Variants in SHANK2 observed in about 807,000 individuals in gnomAD.
SHANK2 encodes the protein SH3 and multiple ankyrin repeat domains 2.
A neutral mutation model predicts 133.7 loss-of-function variants in SHANK2; 43 were observed. The ratio of observed to expected loss-of-function variants is 0.32; its 90% CI spans 0.25 to 0.41. The LOEUF is 0.41. Ranked by LOEUF, SHANK2 falls within the 10% of genes least tolerant of loss-of-function variation. The pLI, the probability that SHANK2 is intolerant of heterozygous loss-of-function variation, is 1.00. For missense variants in SHANK2, 1,994 were observed against 2,235.8 expected, an observed-to-expected ratio of 0.89 and a Z score of 2.18; for synonymous variants, 1,017 against 952.8, an observed-to-expected ratio of 1.07 and a Z score of -1.24.
chr11:71,218,723 G>A (rs1591031464), intron 2 of SHANK2, among the ~76,000 whole-genome samples: 1 of 152,258 alleles, frequency 6.6e-6, no homozygotes, highest in South Asian at 2.1e-4. Flanking sequence ...CGATGGGAAA[G>A]ACTCACGTGA....
chr11:71,240,170 G>A (rs782408463), intron 1 of SHANK2, among the ~76,000 whole-genome samples: 1 of 152,128 alleles, frequency 6.6e-6, no homozygotes, highest in African/African-American at 2.4e-5. Flanking sequence ...AGGGATTCTC[G>A]GATCCAGCAT....
Position 70,533,688 on chromosome 11 carries a change from C to T in SHANK2, c.2062-30757G>A, listed in dbSNP as rs140995579. On this transcript the variant is annotated intron_variant, in intron 17 of 25. Coordinates refer to ENST00000601538, the MANE Select transcript of SHANK2 (RefSeq NM_012309.5). ...GTAAAATTCACACTTTTAAAGTGTG[C>T]GACTCCATGGCATTTAGTACATTCA... Among the ~76,000 whole-genome samples, 35 of 152,162 alleles carry T rather than the reference C, an allele frequency of 2.3e-4. 1 individual carries two copies. The highest frequency in any genetic ancestry group is 3.4e-3 in the Middle Eastern group (1 of 294).
intron 17 of SHANK2, among the ~76,000 whole-genome samples, chr11:70,548,378 C>A (rs976488519): frequency 1.3e-5 from 2 of 152,246 alleles, no homozygotes; most frequent in African/African-American, 4.8e-5. Flanking sequence ...GGTGGGGAGA[C>A]TCTGCTTCTA....
At chr11:71,173,226 C>A (rs538476242) in intron 2 of SHANK2, among the ~76,000 whole-genome samples, 106 of 152,358 alleles carry the variant, frequency 7.0e-4, no homozygotes, top group African/African-American at 2.4e-3. Context: ...ATCTGTCTCA[C>A]CCCTCATGGA....
At chr11:70,655,402 C>T (rs1404004463) in intron 17 of SHANK2, among the ~76,000 whole-genome samples, 1 of 152,224 alleles carries the variant, frequency 6.6e-6, no homozygotes, top group Non-Finnish European at 1.5e-5. Context: ...TCACCAGCTA[C>T]ATGGCCATGT....
intron 11 of SHANK2, among the ~76,000 whole-genome samples, chr11:70,894,616 G>A (rs1555075312): frequency 6.6e-6 from 1 of 152,176 alleles, no homozygotes; most frequent in Non-Finnish European, 1.5e-5. Flanking sequence ...TCAGCTCCAT[G>A]TGGAGAGCTG....
At chr11:70,547,807 C>A (rs1186761446) in intron 17 of SHANK2, among the ~76,000 whole-genome samples, 3 of 152,244 alleles carry the variant, frequency 2.0e-5, no homozygotes, top group Non-Finnish European at 2.9e-5. Context: ...CTAAAGGAAT[C>A]CTTGGTCCCC....
intron 13 of SHANK2, among the ~76,000 whole-genome samples, chr11:70,802,500 G>A (rs1406806645): frequency 2.6e-5 from 4 of 152,152 alleles, no homozygotes; most frequent in Non-Finnish European, 5.9e-5. Context: ...GGGAGGAACC[G>A]AGACCCAGTG....
intron 17 of SHANK2, among the ~76,000 whole-genome samples, chr11:70,645,848 T>C (rs1242527335): frequency 1.3e-5 from 2 of 151,358 alleles, no homozygotes; most frequent in Non-Finnish European, 2.9e-5. Context: ...GGGCATACAG[T>C]GTTCAAGAAC....
rs781910453 is a variant in SHANK2, at chr11:70,487,274, C to A, written c.3019G>T (p.Ala1007Ser). The A allele has an allele frequency of 1.2e-6, 2 of 1,614,202 alleles. No homozygotes were observed. Among genetic ancestry groups the A allele is most frequent in the Non-Finnish European group, 8.5e-7 (1 of 1,180,044 alleles). ...SKAVYVPAKP[A>S]RRKGMLVKQS... ...TTCACCAGCATCCCCTTCCGCCTGG[C>A]GGGCTTGGCGGGGACGTAGACGGCT... Residue 1007 changes from alanine to serine, a missense_variant, in exon 25 of 26, where the codon GCC (alanine) becomes TCC (serine). Ala to Ser is a moderately conservative substitution (Grantham distance 99). This residue lies in a region of SHANK2 where 488 missense variants were observed against 642.6 expected (regional missense o/e 0.76). Transcript: ENST00000601538. The surrounding 1 kb of genome is among the most constrained non-coding windows in gnomAD (Gnocchi z 5.8).
At chr11:70,588,327 A>G (rs782372878) in intron 17 of SHANK2, among the ~76,000 whole-genome samples, 3 of 152,212 alleles carry the variant, frequency 2.0e-5, no homozygotes, top group Non-Finnish European at 4.4e-5. Flanking sequence ...ACTAGAAATG[A>G]TTAGGCTTAG....
chr11:70,935,089 A>C (rs1555083240), intron 10 of SHANK2, among the ~76,000 whole-genome samples: 1 of 152,124 alleles, frequency 6.6e-6, no homozygotes, highest in African/African-American at 2.4e-5. Flanking sequence ...ATATGAAACA[A>C]AAAAAAATTC....
intron 17 of SHANK2, among the ~76,000 whole-genome samples, chr11:70,540,842 C>CA (rs10687305): frequency 0.26 from 29,036 of 111,080 alleles, 4,649 homozygotes; most frequent in East Asian, 0.6. Flanking sequence ...GAGTAAGACT[C>CA]AAAAAAAAAA....
At chr11:70,592,626 TG>T (rs1295707199) in intron 17 of SHANK2, among the ~76,000 whole-genome samples, 1 of 151,920 alleles carries the variant, frequency 6.6e-6, no homozygotes, top group Non-Finnish European at 1.5e-5. Flanking sequence ...AGGGCAAATG[TG>T]TGCAGCCCTG....
Position 70,547,127 on chromosome 11 carries a change from C to T in SHANK2, c.2062-44196G>A, listed in dbSNP as rs369250857. Among the ~76,000 whole-genome samples, 9 of 152,258 alleles carry T rather than the reference C, an allele frequency of 5.9e-5. No individual in the cohort carries two copies. The South Asian group carries it at 1.9e-3, about 32-fold the overall frequency. On this transcript the variant is annotated intron_variant, in intron 17 of 25. Coordinates refer to ENST00000601538, the MANE Select transcript of SHANK2 (RefSeq NM_012309.5). ...CAGGAATTTTCCACCCTCTCACTCCCACCCACTCCTGGGCCCTAAATCCCC... is the reference window on the plus strand; with the variant it reads ...CAGGAATTTTCCACCCTCTCACTCCTACCCACTCCTGGGCCCTAAATCCCC...
intron 14 of SHANK2, among the ~76,000 whole-genome samples, chr11:70,779,532 G>A (rs1555044688): frequency 6.6e-6 from 1 of 152,116 alleles, no homozygotes; most frequent in Non-Finnish European, 1.5e-5. Flanking sequence ...ATGTTTTGCC[G>A]AGGGTTTATA....
At chr11:70,854,535 G>A (rs2135479196) in intron 11 of SHANK2, among the ~76,000 whole-genome samples, 1 of 152,324 alleles carries the variant, frequency 6.6e-6, no homozygotes, top group South Asian at 2.1e-4. Flanking sequence ...ATGCATGGCT[G>A]GATTGAGGGA....
At chr11:70,636,829 CTT>C (rs1555004455) in intron 17 of SHANK2, among the ~76,000 whole-genome samples, 1 of 151,470 alleles carries the variant, frequency 6.6e-6, no homozygotes, top group Non-Finnish European at 1.5e-5. Context: ...TGTGTGAGAA[CTT>C]GTGTATTTAT....
intron 14 of SHANK2, among the ~76,000 whole-genome samples, chr11:70,773,491 G>T (rs1947298796): frequency 1.3e-5 from 2 of 152,216 alleles, no homozygotes; most frequent in Non-Finnish European, 2.9e-5. Context: ...TAATCATAGA[G>T]AATGAGCTTA....
Sources: gnomAD v4.1 joint callset for allele counts (sites outside exome capture counted in the v4.1 genomes callset) on GRCh38, gnomAD v4.1.1 for gene constraint, gnomAD v4.1.1 regional missense constraint, Gnocchi (gnomAD v3.1) non-coding constraint, MANE v1.5 for transcripts, NCBI Gene and HGNC (gene_info 2026-07-23, HGNC 2026-07-21) for gene names.